Variants in BRINP3 observed in about 807,000 individuals in gnomAD.
The protein encoded by BRINP3 is BMP/retinoic acid-inducible neural-specific protein 3.
Under a neutral mutation model 71.0 loss-of-function variants are expected in BRINP3, and 19 were observed. The observed-to-expected ratio is 0.27, with a 90% CI of 0.19 to 0.39. The LOEUF (loss-of-function observed/expected upper bound fraction) is 0.39. BRINP3 is among the 10% of genes least tolerant of loss of function. BRINP3 has a pLI of 1.00. For synonymous variants in BRINP3, 380 were observed against 337.7 expected, an observed-to-expected ratio of 1.13 and a Z score of -1.37; for missense variants, 959 against 940.8, an observed-to-expected ratio of 1.02 and a Z score of -0.25.
chr1:190,142,721 C>A (rs150745915), intron 7 of BRINP3, among the ~76,000 whole-genome samples: 6 of 151,016 alleles, frequency 4.0e-5, no homozygotes, highest in African/African-American at 1.5e-4. Flanking sequence ...TGAAAAAATA[C>A]AACTTTCAAA....
intron 6 of BRINP3, among the ~76,000 whole-genome samples, chr1:190,166,611 G>C (rs1558028046): frequency 6.6e-6 from 1 of 152,164 alleles, no homozygotes; most frequent in Non-Finnish European, 1.5e-5. Flanking sequence ...AGAGTGCCTA[G>C]AGAAATTTTC....
At chr1:190,208,639 C>T (rs1223330336) in intron 6 of BRINP3, among the ~76,000 whole-genome samples, 1 of 151,950 alleles carries the variant, frequency 6.6e-6, no homozygotes, top group East Asian at 1.9e-4. Context: ...TTACTACAGG[C>T]ACACACCACC....
At chr1:190,226,880 A>C (rs1002843079) in intron 5 of BRINP3, among the ~76,000 whole-genome samples, 3 of 151,954 alleles carry the variant, frequency 2.0e-5, no homozygotes, top group Non-Finnish European at 2.9e-5. Flanking sequence ...TACAGGAATC[A>C]GATGGACTGA....
chr1:190,178,206 G>A (rs1028593241), intron 6 of BRINP3, among the ~76,000 whole-genome samples: 1 of 152,022 alleles, frequency 6.6e-6, no homozygotes, highest in African/African-American at 2.4e-5. Flanking sequence ...GGTTTTGTAC[G>A]TAGTACTATG....
At position 190,250,547 on chromosome 1, in the gene BRINP3, T is replaced by G. The variant is rs115412689; in HGVS notation, c.618+14318A>C. 3.3e-3 allele frequency among the ~76,000 whole-genome samples: 503 copies of G among 152,044 alleles called. 4 individuals are homozygous for G. The highest frequency in any genetic ancestry group is 0.011 in the African/African-American group (471 of 41,512). On this transcript the variant is annotated intron_variant, in intron 4 of 7. Transcript: ENST00000367462. ...TTTATGTCATTAGTCAAATCAGTGA[T>G]GAAATGGTTGAATAGGATGGGGTCA...
Position 190,281,602 on chromosome 1 carries a change from T to C in BRINP3, c.385A>G (p.Lys129Glu). The C allele has an allele frequency of 6.2e-7, 1 of 1,612,770 alleles. No homozygotes were observed. ...TLQQITENLI[K>E]KYGTHFLLSA... The stretch of plus-strand genomic sequence containing the variant: ...AGCAAGAAATGTGTCCCATATTTCT[T>C]GATAAGGTTTTCTGTGATTTGCTGA... The change falls in exon 3 of 8, where the codon AAG (lysine) becomes GAG (glutamate). Residue 129 changes from lysine to glutamate, a missense_variant. By Grantham distance (56) the Lys-to-Glu change is moderately conservative. Transcript: ENST00000367462.
intron 7 of BRINP3, among the ~76,000 whole-genome samples, chr1:190,125,348 A>T (rs1417292284): frequency 6.6e-6 from 1 of 151,214 alleles, no homozygotes; most frequent in Non-Finnish European, 1.5e-5. Flanking sequence ...CACATATATT[A>T]TATATATACA....
chr1:190,290,306 A>T (rs1285146395), intron 2 of BRINP3, among the ~76,000 whole-genome samples: 1 of 152,118 alleles, frequency 6.6e-6, no homozygotes, highest in African/African-American at 2.4e-5. Context: ...GGGCAGTAAA[A>T]TGTATAGTTG....
At chr1:190,121,468 T>C (rs1035689664) in intron 7 of BRINP3, among the ~76,000 whole-genome samples, 1 of 152,116 alleles carries the variant, frequency 6.6e-6, no homozygotes, top group Non-Finnish European at 1.5e-5. Context: ...ATATCAAATG[T>C]TTATGAAATC....
Position 190,457,700 on chromosome 1 carries a change from T to C in BRINP3, c.-50-2760A>G, listed in dbSNP as rs551824001. On this transcript the variant is annotated intron_variant, in intron 1 of 7. Transcript: ENST00000367462. ...TTATACTGGTATGAAGCCATGCCAT[T>C]ATACACCTTAAAATTAAACAAATGT... 4.6e-5 allele frequency among the ~76,000 whole-genome samples: 7 copies of C among 152,310 alleles called. No homozygotes were observed. In the East Asian group the frequency reaches 1.3e-3, roughly 29 times the overall value.
chr1:190,455,017 T>A (rs1675894335), intron 1 of BRINP3, 77 bp from the exon 2 acceptor site: 2 of 625,782 alleles, frequency 3.2e-6, no homozygotes, highest in Middle Eastern at 2.8e-4. Context: ...GGTGGCTAAT[T>A]TTAAATTTTA....
intron 2 of BRINP3, among the ~76,000 whole-genome samples, chr1:190,419,264 T>C (rs956689971): frequency 4.6e-5 from 7 of 152,078 alleles, no homozygotes; most frequent in Admixed American, 1.3e-4. Context: ...AAAAAATTTC[T>C]GTCATTGCAA....
chr1:190,425,413 T>A (rs1473826603), intron 2 of BRINP3, among the ~76,000 whole-genome samples: 1 of 151,802 alleles, frequency 6.6e-6, no homozygotes, highest in African/African-American at 2.4e-5. Context: ...TACCTCCTAA[T>A]AAATGAACAG....
chr1:190,277,084 G>GTT lies in BRINP3; in HGVS notation c.427+4474_427+4475dup, dbSNP rs1267218891. ...CTATTTGATCCTGAAATAAATTTTGGTTTTATATATATATATATATATATA... is the reference window on the plus strand; with the variant it reads ...CTATTTGATCCTGAAATAAATTTTGGTTTTTTATATATATATATATATATATA... On this transcript the variant is annotated intron_variant, in intron 3 of 7. Transcript: ENST00000367462. 7.2e-3 allele frequency among the ~76,000 whole-genome samples: 68 copies of GTT among 9,406 alleles called. 2 individuals carry two copies. The South Asian group carries it at 0.097, about 13-fold the overall frequency. 6.2% of individuals were successfully genotyped at this position (9,406 alleles called of 152,430 possible).
chr1:190,351,671 A>G (rs1416649056), intron 2 of BRINP3, among the ~76,000 whole-genome samples: 3 of 152,092 alleles, frequency 2.0e-5, no homozygotes, highest in Non-Finnish European at 4.4e-5. Context: ...TCACAGAACT[A>G]AGGTTTCTAT....
intron 7 of BRINP3, among the ~76,000 whole-genome samples, chr1:190,102,300 C>G (rs888550922): frequency 6.6e-6 from 1 of 152,090 alleles, no homozygotes; most frequent in Non-Finnish European, 1.5e-5. Flanking sequence ...AAATTTAGTT[C>G]CCCTTACTTT....
intron 6 of BRINP3, among the ~76,000 whole-genome samples, chr1:190,216,129 A>T (rs545772159): frequency 6.6e-6 from 1 of 151,804 alleles, no homozygotes; most frequent in East Asian, 1.9e-4. Flanking sequence ...TTATTTGCAC[A>T]AGTCTTTTGG....
chr1:190,129,659 T>C (rs1442385503), intron 7 of BRINP3, among the ~76,000 whole-genome samples: 1 of 151,954 alleles, frequency 6.6e-6, no homozygotes, highest in Non-Finnish European at 1.5e-5. Context: ...AACAAAGGAT[T>C]GTTTTTAGTT....
chr1:190,220,689 A>C (rs1558077494), intron 6 of BRINP3, among the ~76,000 whole-genome samples: 1 of 152,122 alleles, frequency 6.6e-6, no homozygotes, highest in Non-Finnish European at 1.5e-5. Context: ...TCATCCTTAA[A>C]ACATGAAGGA....
Sources: allele counts gnomAD v4.1 joint callset (sites outside exome capture counted in the v4.1 genomes callset), GRCh38; gene constraint gnomAD v4.1.1; transcripts MANE v1.5; gene names NCBI Gene and HGNC (gene_info 2026-07-23, HGNC 2026-07-21).